PTPRM: variants seen among roughly 807,000 people sequenced by gnomAD.
The protein encoded by PTPRM is protein tyrosine phosphatase receptor type M.
In PTPRM, 47 loss-of-function variants were observed where a neutral mutation model predicts 186.7. That is an observed-to-expected ratio of 0.25 (90% CI 0.20 to 0.32). PTPRM has a LOEUF of 0.32. Among genes scored for constraint, PTPRM ranks in the 10% least tolerant of loss-of-function variants. The pLI, the probability that PTPRM is intolerant of heterozygous loss-of-function variation, is 1.00. For synonymous variants in PTPRM, 668 were observed against 674.9 expected, an observed-to-expected ratio of 0.99 and a Z score of 0.16; for missense variants, 1,494 against 1,865.0, an observed-to-expected ratio of 0.80 and a Z score of 3.66.
At chr18:7,687,760 T>A (rs1236872278) in intron 1 of PTPRM, among the ~76,000 whole-genome samples, 1 of 151,590 alleles carries the variant, frequency 6.6e-6, no homozygotes, top group Non-Finnish European at 1.5e-5. Flanking sequence ...GCATGGAGCA[T>A]AAACAAGGAG....
intron 19 of PTPRM, among the ~76,000 whole-genome samples, chr18:8,277,585 A>G (rs768944285): frequency 2.0e-5 from 3 of 152,276 alleles, no homozygotes; most frequent in Non-Finnish European, 2.9e-5. Context: ...TCAATGGTTG[A>G]TATATAGAAA....
chr18:7,912,187 A>G (rs570910981), intron 4 of PTPRM, among the ~76,000 whole-genome samples: 49 of 152,198 alleles, frequency 3.2e-4, no homozygotes, highest in African/African-American at 1.1e-3. Flanking sequence ...TCTATGAGCT[A>G]TTTGAGTTAA....
chr18:8,125,976 CATAT>C lies in PTPRM; in HGVS notation c.2167+11198_2167+11201del, dbSNP rs1178603481. Among the ~76,000 whole-genome samples the C allele has an allele frequency of 5.6e-3, 333 of 59,602 alleles. 5 individuals are homozygous for C. The highest frequency in any genetic ancestry group is 8.5e-3 in the South Asian group (10 of 1,172). The allele number at this position is 59,602 out of a possible 152,430, so 39.1% of individuals were successfully genotyped here. A position where few individuals can be genotyped will look rare whatever the true frequency, so the allele number is the denominator to read the frequency against. On this transcript the variant is annotated intron_variant, in intron 13 of 32. Transcript: ENST00000580170. ...GGAGAATGCTATATGTGTGTGTATA[CATAT>C]ATATATATATATATATATATATATA...
intron 14 of PTPRM, among the ~76,000 whole-genome samples, chr18:8,233,256 G>C (rs567179987): frequency 1.2e-4 from 19 of 152,330 alleles, no homozygotes; most frequent in African/African-American, 3.8e-4. Context: ...GTTTTTCAAA[G>C]TGGCTATGTC....
intron 1 of PTPRM, among the ~76,000 whole-genome samples, chr18:7,643,910 A>G (rs1199333122): frequency 6.6e-6 from 1 of 152,184 alleles, no homozygotes; most frequent in East Asian, 1.9e-4. Context: ...TTATGAAAAC[A>G]ATTTAATATT....
At chr18:8,161,276 G>A (rs1450749907) in intron 14 of PTPRM, among the ~76,000 whole-genome samples, 1 of 152,132 alleles carries the variant, frequency 6.6e-6, no homozygotes, top group Non-Finnish European at 1.5e-5. Flanking sequence ...TCTGTTGGTT[G>A]CAGTTTTGTA....
intron 2 of PTPRM, among the ~76,000 whole-genome samples, chr18:7,842,949 G>C (rs3078270): frequency 1.2e-5 from 1 of 80,168 alleles, no homozygotes; most frequent in Non-Finnish European, 2.4e-5. Flanking sequence ...TATATATATA[G>C]AGAGAGAGAG....
chr18:7,715,382 A>G lies in PTPRM; in HGVS notation c.74-58767A>G, dbSNP rs1470196444. 2.0e-5 allele frequency among the ~76,000 whole-genome samples: 3 copies of G among 152,228 alleles called. No individual in the cohort carries two copies. The East Asian group carries it at 5.8e-4, about 29-fold the overall frequency. On this transcript the variant is annotated intron_variant, in intron 1 of 32. Transcript: ENST00000580170. ...CAAAATAATAAGAGCTATTTATAAC[A>G]AACCCACAGCCAATATCATACTGAA...
intron 29 of PTPRM, 106 bp downstream of exon 29, chr18:8,380,533 C>A: frequency 7.4e-7 from 1 of 1,349,088 alleles, no homozygotes; most frequent in Non-Finnish European, 1.0e-6. Context: ...TGCCAGATCT[C>A]AAGTGCCAGT....
chr18:8,286,234 A>G (rs2094955689), intron 19 of PTPRM, among the ~76,000 whole-genome samples: 2 of 152,168 alleles, frequency 1.3e-5, no homozygotes, highest in African/African-American at 2.4e-5. Context: ...CAACTTCCCA[A>G]TTTCAAATCA....
chr18:7,922,487 T>G (rs2050923760), intron 4 of PTPRM, among the ~76,000 whole-genome samples: 1 of 152,346 alleles, frequency 6.6e-6, no homozygotes, highest in East Asian at 1.9e-4. Flanking sequence ...CCTCATTTTT[T>G]CCAATGTAGA....
chr18:8,174,807 T>A (rs577734402), intron 14 of PTPRM, among the ~76,000 whole-genome samples: 4 of 152,320 alleles, frequency 2.6e-5, no homozygotes, highest in Admixed American at 1.3e-4. Flanking sequence ...ATGTGCCCAG[T>A]GTGTGAAAGC....
At chr18:7,811,655 G>A (rs1056620914) in intron 2 of PTPRM, among the ~76,000 whole-genome samples, 1 of 152,090 alleles carries the variant, frequency 6.6e-6, no homozygotes, top group Non-Finnish European at 1.5e-5. Flanking sequence ...GTGAGCTACT[G>A]TGCCCAGCTG....
At chr18:7,618,756 C>T (rs1261411563) in intron 1 of PTPRM, among the ~76,000 whole-genome samples, 1 of 152,184 alleles carries the variant, frequency 6.6e-6, no homozygotes, top group East Asian at 1.9e-4. Flanking sequence ...TCCTGGCTAA[C>T]CAGCACCATA....
At chr18:8,025,717 A>G (rs1272589284) in intron 7 of PTPRM, among the ~76,000 whole-genome samples, 4 of 152,252 alleles carry the variant, frequency 2.6e-5, no homozygotes, top group Non-Finnish European at 5.9e-5. Context: ...CCTGAGGTCA[A>G]AGATTTTCAA....
At chr18:7,667,585 C>G (rs1210309690) in intron 1 of PTPRM, among the ~76,000 whole-genome samples, 1 of 152,046 alleles carries the variant, frequency 6.6e-6, no homozygotes, top group Non-Finnish European at 1.5e-5. Context: ...GCGTAATAAG[C>G]TAAGAAAAAA....
chr18:7,681,782 A>C (rs1436621023), intron 1 of PTPRM, among the ~76,000 whole-genome samples: 1 of 152,162 alleles, frequency 6.6e-6, no homozygotes, highest in Non-Finnish European at 1.5e-5. Context: ...TTCTGTATCA[A>C]AAATGTGGTC....
At chr18:7,688,706 G>T (rs866648937) in intron 1 of PTPRM, among the ~76,000 whole-genome samples, 6 of 152,150 alleles carry the variant, frequency 3.9e-5, no homozygotes, top group African/African-American at 1.4e-4. Flanking sequence ...TCCCCTTCTG[G>T]CATCTCTCAT....
chr18:8,101,384 C>T (rs952711171), intron 11 of PTPRM, among the ~76,000 whole-genome samples: 1 of 152,164 alleles, frequency 6.6e-6, no homozygotes, highest in Non-Finnish European at 1.5e-5. Context: ...ATAGAAACAA[C>T]TTATAGATAA....
Sources: gnomAD v4.1 joint callset for allele counts (sites outside exome capture counted in the v4.1 genomes callset) on GRCh38, gnomAD v4.1.1 for gene constraint, MANE v1.5 for transcripts, NCBI Gene and HGNC (gene_info 2026-07-23, HGNC 2026-07-21) for gene names.